Variants in RERE observed in about 807,000 individuals in gnomAD.
RERE encodes the protein arginine-glutamic acid dipeptide repeats.
In RERE, 40 loss-of-function variants were observed where a neutral mutation model predicts 146.1. The ratio of observed to expected loss-of-function variants is 0.27; its 90% confidence interval spans 0.21 to 0.36. RERE has a LOEUF of 0.36. RERE is among the 10% of genes least tolerant of loss of function. The pLI, the probability that RERE is intolerant of heterozygous loss-of-function variation, is 1.00. For missense variants in RERE, 1,933 were observed against 2,138.7 expected (o/e 0.90, Z 1.90); for synonymous variants, 1,003 against 866.0 (o/e 1.16, Z -2.78).
chr1:8,358,489 C>T lies in RERE; in HGVS notation c.4046G>A (p.Arg1349Gln), dbSNP rs755080487. Residue 1349 changes from arginine (R) to glutamine (Q), a missense_variant, in exon 20 of 23, where the codon CGG (arginine) becomes CAG (glutamine). Transcript: ENST00000400908. ...CGGGGGGATGGTGAGGGCGCTGTGC[C>T]GGGCAAAGTGCTCCATGGGGTTGGC... ...PAANPMEHFA[R>Q]HSALTIPPTA... 14 of 1,586,556 alleles carry T rather than the reference C, an allele frequency of 8.8e-6. No individual in the cohort carries two copies. Among genetic ancestry groups the T allele is most frequent in the African/African-American group, 2.7e-5 (2 of 74,336 alleles).
intron 1 of RERE, among the ~76,000 whole-genome samples, chr1:8,672,128 A>G (rs1169935992): frequency 6.6e-6 from 1 of 152,086 alleles, no homozygotes; most frequent in Non-Finnish European, 1.5e-5. Flanking sequence ...AAAATAAATA[A>G]TAATTTTTAA....
At chr1:8,800,162 A>G (rs902724198) in intron 1 of RERE, among the ~76,000 whole-genome samples, 3 of 151,612 alleles carry the variant, frequency 2.0e-5, no homozygotes, top group Admixed American at 2.0e-4. Context: ...TCTTCTCCCA[A>G]TGTGGCCCAG....
chr1:8,716,826 A>C (rs1023981934), intron 1 of RERE, among the ~76,000 whole-genome samples: 3 of 152,152 alleles, frequency 2.0e-5, no homozygotes, highest in Non-Finnish European at 4.4e-5. Flanking sequence ...AAGGAATAAA[A>C]AAAAACCTAG....
At chr1:8,465,897 C>T in intron 11 of RERE, 28 bp downstream of exon 11, 2 of 1,603,242 alleles carry the variant, frequency 1.2e-6, no homozygotes. Context: ...TGCCCCAGAG[C>T]ACAAGGCAAA....
intron 6 of RERE, 34 bp from the exon 7 acceptor site, chr1:8,541,352 C>A: frequency 7.2e-7 from 1 of 1,389,464 alleles, no homozygotes; most frequent in South Asian, 1.2e-5. Flanking sequence ...TTAGTAATAC[C>A]CTCAACTGCT....
intron 11 of RERE, among the ~76,000 whole-genome samples, chr1:8,433,553 CTTTT>C (rs35096712): frequency 7.7e-6 from 1 of 130,202 alleles, no homozygotes; most frequent in Admixed American, 7.7e-5. Flanking sequence ...CCATTCATTT[CTTTT>C]TTTTTTTTTT....
chr1:8,730,334 G>T (rs540607605), intron 1 of RERE, among the ~76,000 whole-genome samples: 33 of 151,910 alleles, frequency 2.2e-4, no homozygotes, highest in African/African-American at 6.5e-4. Context: ...TGTTTTTGGG[G>T]TTTTTTTTGT....
chr1:8,689,638 T>C lies in RERE; in HGVS notation c.-144-33197A>G, dbSNP rs570197563. ...TGAAGTTTCAGTTCCCATGCCAGAA[T>C]GTGAGAAGTGAGAGAGTTCTTCACC... On this transcript the variant is annotated intron_variant, in intron 1 of 22. Coordinates refer to ENST00000400908, the MANE Select transcript of RERE (RefSeq NM_001042681.2). Among the ~76,000 whole-genome samples the C allele has an allele frequency of 1.1e-4, 17 of 152,306 alleles. No individual in the cohort carries two copies. The Middle Eastern group carries it at 0.014, about 122-fold the overall frequency.
chr1:8,574,871 T>A lies in RERE; in HGVS notation c.523-17348A>T, dbSNP rs377351786. 2.6e-5 allele frequency among the ~76,000 whole-genome samples: 4 copies of A among 152,352 alleles called. No individual in the cohort carries two copies. In the South Asian group the frequency reaches 6.2e-4, roughly 24 times the overall value. ...ACAGATGTGTTCACTATATGAAAATTCACTGAGCTTTCTATTTAGAATGTT... is the reference window on the plus strand; with the variant it reads ...ACAGATGTGTTCACTATATGAAAATACACTGAGCTTTCTATTTAGAATGTT... On this transcript the variant is annotated intron_variant, in intron 4 of 22. Coordinates refer to ENST00000400908, the MANE Select transcript of RERE (RefSeq NM_001042681.2).
chr1:8,424,469 A>G (rs57310340), intron 11 of RERE, among the ~76,000 whole-genome samples: 10,059 of 152,294 alleles, frequency 0.066, 386 homozygotes, highest in Middle Eastern at 0.092. Context: ...ATGACTCATC[A>G]TTGTCAATTT....
At chr1:8,768,381 T>C (rs1048459510) in intron 1 of RERE, among the ~76,000 whole-genome samples, 1 of 152,228 alleles carries the variant, frequency 6.6e-6, no homozygotes, top group African/African-American at 2.4e-5. Context: ...TCATTCATTA[T>C]ACTTTAATAT....
intron 8 of RERE, among the ~76,000 whole-genome samples, chr1:8,500,939 G>A (rs1270545126): frequency 2.2e-5 from 3 of 137,968 alleles, no homozygotes; most frequent in Non-Finnish European, 4.6e-5. Context: ...CCTGGCAACC[G>A]CCCCGTCTGA....
intron 7 of RERE, among the ~76,000 whole-genome samples, chr1:8,527,315 C>T (rs1645582185): frequency 6.6e-6 from 1 of 152,140 alleles, no homozygotes; most frequent in Non-Finnish European, 1.5e-5. Flanking sequence ...ATTCCCAAAA[C>T]TGCTGTTACT....
intron 10 of RERE, among the ~76,000 whole-genome samples, chr1:8,469,514 G>A (rs1398721002): frequency 6.6e-6 from 1 of 152,194 alleles, no homozygotes; most frequent in African/African-American, 2.4e-5. Context: ...AGCTATTCGG[G>A]AGGCTGAGGC....
At chr1:8,366,272 A>G (rs1469184102) in intron 12 of RERE, among the ~76,000 whole-genome samples, 2 of 152,228 alleles carry the variant, frequency 1.3e-5, no homozygotes, top group Non-Finnish European at 2.9e-5. Context: ...TGTTGTACAC[A>G]TGGGAGGTAC....
intron 1 of RERE, among the ~76,000 whole-genome samples, chr1:8,672,817 A>C (rs1038826858): frequency 1.3e-5 from 2 of 152,200 alleles, no homozygotes; most frequent in Non-Finnish European, 1.5e-5. Context: ...ACAAAAAAAA[A>C]CTCAAGAATA....
At chr1:8,657,025 G>A (rs569065281) in intron 1 of RERE, among the ~76,000 whole-genome samples, 16 of 152,240 alleles carry the variant, frequency 1.1e-4, no homozygotes, top group African/African-American at 3.4e-4. Context: ...AGGATAGGCC[G>A]GGCGCGGTGG....
chr1:8,736,713 A>C (rs1325934919), intron 1 of RERE, among the ~76,000 whole-genome samples: 1 of 152,078 alleles, frequency 6.6e-6, no homozygotes, highest in East Asian at 1.9e-4. Flanking sequence ...CATTTTACCC[A>C]AGGGACAGTC....
intron 1 of RERE, among the ~76,000 whole-genome samples, chr1:8,657,447 C>T (rs865875412): frequency 5.3e-5 from 8 of 152,082 alleles, no homozygotes; most frequent in African/African-American, 9.7e-5. Flanking sequence ...TTAACTCAAA[C>T]GAAAGTGAGA....
Sources: allele counts gnomAD v4.1 joint callset (sites outside exome capture counted in the v4.1 genomes callset), GRCh38; gene constraint gnomAD v4.1.1; transcripts MANE v1.5; gene names NCBI Gene and HGNC (gene_info 2026-07-23, HGNC 2026-07-21).